Variants in SLC44A5 observed in about 807,000 individuals in gnomAD.
SLC44A5 encodes the protein solute carrier family 44 member 5.
SLC44A5 carries 57 observed loss-of-function variants against 101.8 expected under a neutral mutation model. The ratio of observed to expected loss-of-function variants is 0.56; its 90% CI spans 0.45 to 0.70. The LOEUF (loss-of-function observed/expected upper bound fraction) is 0.70, where lower values mean the gene tolerates loss of function less well. Ranked by LOEUF, SLC44A5 falls within the 30% of genes least tolerant of loss-of-function variation. The pLI, the probability that SLC44A5 is intolerant of heterozygous loss-of-function variation, is 0.00. For synonymous variants in SLC44A5, 281 were observed against 290.9 expected, an observed-to-expected ratio of 0.97 and a Z score of 0.35; for missense variants, 737 against 853.1, an observed-to-expected ratio of 0.86 and a Z score of 1.70.
At chr1:75,582,256 AAAG>A (rs1403058815) in intron 1 of SLC44A5, 1 of 1,504,194 alleles carries the variant, frequency 6.6e-7, no homozygotes, top group East Asian at 2.2e-5. Context: ...AGAAGGGCCT[AAAG>A]AAGATGCAGG....
intron 2 of SLC44A5, among the ~76,000 whole-genome samples, chr1:75,404,460 T>C (rs1662715306): frequency 1.3e-5 from 2 of 152,160 alleles, no homozygotes; most frequent in South Asian, 4.1e-4. Context: ...AAGGTCAGGT[T>C]ACCCACAAAG....
chr1:75,353,458 C>T (rs1373945150), intron 3 of SLC44A5, among the ~76,000 whole-genome samples: 2 of 152,176 alleles, frequency 1.3e-5, no homozygotes, highest in Admixed American at 6.5e-5. Context: ...GGAACTTTGT[C>T]TGTTTTGTTC....
intron 5 of SLC44A5, among the ~76,000 whole-genome samples, chr1:75,299,874 G>T (rs1408994161): frequency 1.3e-5 from 2 of 151,350 alleles, no homozygotes; most frequent in East Asian, 1.9e-4. Flanking sequence ...AAATTAGCTG[G>T]GCATGGTAGT....
intron 3 of SLC44A5, among the ~76,000 whole-genome samples, chr1:75,376,126 G>A (rs564061132): frequency 2.6e-4 from 39 of 152,346 alleles, no homozygotes; most frequent in African/African-American, 8.2e-4. Flanking sequence ...GCGCTTTTCC[G>A]ACCGGCTTAA....
intron 7 of SLC44A5, among the ~76,000 whole-genome samples, chr1:75,243,481 A>G (rs1323716554): frequency 6.6e-6 from 1 of 152,032 alleles, no homozygotes; most frequent in African/African-American, 2.4e-5. Flanking sequence ...AATTTCATGT[A>G]CTAGTTACCA....
intron 13 of SLC44A5, 86 bp downstream of exon 13, chr1:75,227,640 G>A: frequency 9.0e-7 from 1 of 1,107,756 alleles, no homozygotes; most frequent in Non-Finnish European, 1.2e-6. Context: ...CATTTAACAG[G>A]TTATACCAAC....
At chr1:75,356,351 T>A (rs1659073869) in intron 3 of SLC44A5, among the ~76,000 whole-genome samples, 1 of 151,886 alleles carries the variant, frequency 6.6e-6, no homozygotes, top group Non-Finnish European at 1.5e-5. Flanking sequence ...ATATTGGTAA[T>A]CCTGACCCTG....
intron 19 of SLC44A5, among the ~76,000 whole-genome samples, chr1:75,215,476 A>C (rs1399836461): frequency 6.6e-6 from 1 of 152,140 alleles, no homozygotes; most frequent in Non-Finnish European, 1.5e-5. Flanking sequence ...CCAAAGACAC[A>C]CAAAACCATT....
intron 2 of SLC44A5, among the ~76,000 whole-genome samples, chr1:75,502,137 C>T (rs908599440): frequency 4.6e-5 from 7 of 152,112 alleles, no homozygotes; most frequent in African/African-American, 1.2e-4. Context: ...GAAGAAAGGC[C>T]GCAATTTTGA....
the SLC44A5 span, among the ~76,000 whole-genome samples, chr1:75,696,424 T>C: frequency 0.016 from 2,395 of 152,274 alleles, 72 homozygotes; most frequent in African/African-American, 0.053. Context: ...AGGAGATTCA[T>C]AAAGGATAGG....
chr1:75,509,699 A>C (rs866273110), intron 2 of SLC44A5, among the ~76,000 whole-genome samples: 1 of 152,178 alleles, frequency 6.6e-6, no homozygotes, highest in Non-Finnish European at 1.5e-5. Context: ...ATTGAATGCT[A>C]ACTATGTGCT....
Position 75,242,046 on chromosome 1 carries a change from A to T in SLC44A5, c.487T>A (p.Leu163Ile), listed in dbSNP as rs1389896722. The T allele has an allele frequency of 6.2e-7, 1 of 1,612,310 alleles. No homozygotes were observed. Among genetic ancestry groups the T allele is most frequent in the Non-Finnish European group, 8.5e-7 (1 of 1,178,842 alleles). The change falls in exon 9 of 24, where the codon TTA becomes ATA. Residue 163 changes from leucine to isoleucine, a missense_variant. Coordinates refer to ENST00000370859, the MANE Select transcript of SLC44A5 (RefSeq NM_001130058.2). Reference sequence around the variant, plus strand: ...GCTGTTGGACAATCATCATCCAGTAAAAGCTGTGTGAGAGACTAAAATAGA... The same window carrying T: ...GCTGTTGGACAATCATCATCCAGTATAAGCTGTGTGAGAGACTAAAATAGA... The part of the protein sequence containing the change: ...AKPVKSLTQL[L>I]LDDDCPTAIF...
rs1246769298 is a variant in SLC44A5 at position 75,211,566 on chromosome 1, A to T, written c.1963-14T>A. The T allele has an allele frequency of 3.8e-6, 6 of 1,575,732 alleles. No individual in the cohort carries two copies. The highest frequency in any genetic ancestry group is 5.2e-6 in the Non-Finnish European group (6 of 1,146,130). The stretch of plus-strand genomic sequence containing the variant: ...AAAAATGACTGTCTGTAAATGGATG[A>T]AGAAGAGAACCAACATGTCATTTAC... On this transcript the variant is annotated splice_polypyrimidine_tract_variant and intron_variant, in intron 22 of 23. Coordinates refer to ENST00000370859, the MANE Select transcript of SLC44A5 (RefSeq NM_001130058.2).
intron 2 of SLC44A5, among the ~76,000 whole-genome samples, chr1:75,522,893 T>C (rs1397826809): frequency 2.6e-5 from 4 of 152,180 alleles, no homozygotes; most frequent in African/African-American, 9.7e-5. Flanking sequence ...AGGGCAGCTC[T>C]TGAAGGTAGA....
At chr1:75,716,392 G>T in the SLC44A5 span, among the ~76,000 whole-genome samples, 1 of 152,046 alleles carries the variant, frequency 6.6e-6, no homozygotes, top group African/African-American at 2.4e-5. Context: ...GATGGTTTGG[G>T]CTGGGGAGGT....
At chr1:75,583,288 A>G (rs1039925155) in intron 1 of SLC44A5, among the ~76,000 whole-genome samples, 2 of 152,216 alleles carry the variant, frequency 1.3e-5, no homozygotes, top group Non-Finnish European at 2.9e-5. Flanking sequence ...TCATTTGACT[A>G]TCAGATGCCC....
chr1:75,225,003 C>A (rs865973204), intron 13 of SLC44A5, among the ~76,000 whole-genome samples: 1 of 152,140 alleles, frequency 6.6e-6, no homozygotes, highest in African/African-American at 2.4e-5. Flanking sequence ...TTGTAGCCTA[C>A]ATGTACAGTG....
At chr1:75,579,656 T>C (rs1224492219) in intron 1 of SLC44A5, among the ~76,000 whole-genome samples, 1 of 152,152 alleles carries the variant, frequency 6.6e-6, no homozygotes, top group Non-Finnish European at 1.5e-5. Flanking sequence ...GCAGGAGTCA[T>C]ATGAAATATA....
At position 75,242,838 on chromosome 1, in the gene SLC44A5, A is replaced by G. The variant is rs111540874; in HGVS notation, c.471+48T>C. Reference sequence around the variant, plus strand: ...AATTCTCACGTTACACTTGAGATTGAAAAAAAAAGTTAAATTGTTCTCTTG... The same window carrying G: ...AATTCTCACGTTACACTTGAGATTGGAAAAAAAAGTTAAATTGTTCTCTTG... On this transcript the variant is annotated intron_variant, in intron 8 of 23. Transcript: ENST00000370859. 4.6e-4 allele frequency: 696 copies of G among 1,507,186 alleles called. 7 individuals carry two copies. In the African/African-American group the frequency reaches 8.8e-3, roughly 19 times the overall value. The allele number at this position is 1,507,186 out of a possible 1,614,324, so 93.4% of individuals were successfully genotyped here.
Sources: allele counts gnomAD v4.1 joint callset (sites outside exome capture counted in the v4.1 genomes callset), GRCh38; gene constraint gnomAD v4.1.1; transcripts MANE v1.5; gene names NCBI Gene and HGNC (gene_info 2026-07-23, HGNC 2026-07-21).